CFAP43: variants seen among roughly 807,000 people sequenced by gnomAD.
CFAP43 encodes cilia- and flagella-associated protein 43.
In CFAP43, 155 loss-of-function variants were observed where a neutral mutation model predicts 218.9. That is an observed-to-expected ratio of 0.71 (90% CI 0.62 to 0.81). The LOEUF (loss-of-function observed/expected upper bound fraction) is 0.81, where lower values mean the gene tolerates loss of function less well. CFAP43 is among the 30% of genes least tolerant of loss of function. The pLI is 0.00. For missense variants in CFAP43, 1,778 were observed against 1,954.3 expected, an observed-to-expected ratio of 0.91 and a Z score of 1.70; for synonymous variants, 645 against 681.3, an observed-to-expected ratio of 0.95 and a Z score of 0.83.
chr10:104,175,081 AAAC>A (rs1283303344), intron 19 of CFAP43, among the ~76,000 whole-genome samples: 1 of 150,318 alleles, frequency 6.7e-6, no homozygotes, highest in Non-Finnish European at 1.5e-5. Flanking sequence ...ACAAACAAAC[AAAC>A]AAACAAAAAA....
intron 10 of CFAP43, among the ~76,000 whole-genome samples, chr10:104,195,552 G>T (rs568532974): frequency 3.6e-4 from 55 of 151,922 alleles, no homozygotes; most frequent in Non-Finnish European, 6.2e-4. Context: ...TGTATCTTTG[G>T]CATCTTATGT....
At chr10:104,143,343 C>T (rs112383207) in intron 32 of CFAP43, 83 bp downstream of exon 32, 2 of 1,210,836 alleles carry the variant, frequency 1.7e-6, no homozygotes, top group Non-Finnish European at 2.3e-6. Context: ...AAATAATTAG[C>T]TTTTTTGGTT....
At chr10:104,143,359 G>A in intron 32 of CFAP43, 67 bp downstream of exon 32, 1 of 1,396,186 alleles carries the variant, frequency 7.2e-7, no homozygotes. Flanking sequence ...TGGTTACACT[G>A]ACCAATGTAA....
In CFAP43 at chr10:104,230,093, C is replaced by T. The variant is rs572095564; in HGVS notation, c.319+497G>A. On this transcript the variant is annotated intron_variant, in intron 2 of 37. Coordinates refer to ENST00000357060, the MANE Select transcript of CFAP43 (RefSeq NM_025145.7). The stretch of plus-strand genomic sequence containing the variant: ...CAATGTTGCTGGTAAACAGACCACA[C>T]TTTGAACAGCAAGGCTCTAGCTAAC... Among the ~76,000 whole-genome samples the T allele has an allele frequency of 3.3e-5, 5 of 152,180 alleles. No homozygotes were observed. In the South Asian group the frequency reaches 1.0e-3, roughly 32 times the overall value.
chr10:104,211,976 A>G (rs767225063), intron 5 of CFAP43, 31 bp downstream of exon 5: 2 of 1,604,362 alleles, frequency 1.2e-6, no homozygotes, highest in South Asian at 2.2e-5. Context: ...TCAACCCATT[A>G]GGCAAACAGG....
At chr10:104,148,436 G>A (rs2134766530) in intron 28 of CFAP43, among the ~76,000 whole-genome samples, 1 of 152,240 alleles carries the variant, frequency 6.6e-6, no homozygotes, top group South Asian at 2.1e-4. Flanking sequence ...GCTGTAGTTT[G>A]GATATTTGCC....
intron 12 of CFAP43, among the ~76,000 whole-genome samples, chr10:104,189,596 C>T (rs2062869180): frequency 6.6e-6 from 1 of 152,148 alleles, no homozygotes; most frequent in Non-Finnish European, 1.5e-5. Flanking sequence ...TACTCTGGCC[C>T]AGCCTCAGTT....
chr10:104,205,732 G>A (rs2090667932), intron 7 of CFAP43, among the ~76,000 whole-genome samples: 1 of 152,072 alleles, frequency 6.6e-6, no homozygotes, highest in Non-Finnish European at 1.5e-5. Context: ...AATTCTATTT[G>A]TGTTTGTTTG....
chr10:104,139,486 C>T (rs1589619344), intron 34 of CFAP43, among the ~76,000 whole-genome samples: 1 of 152,014 alleles, frequency 6.6e-6, no homozygotes, highest in South Asian at 2.1e-4. Flanking sequence ...AAGCCAGACA[C>T]ATTAAATTCA....
intron 36 of CFAP43, 86 bp downstream of exon 36, chr10:104,132,030 G>A (rs2087219011): frequency 9.5e-7 from 1 of 1,048,922 alleles, no homozygotes; most frequent in South Asian, 1.9e-5. Context: ...TTAGGGTCTA[G>A]GTAAATTCAT....
chr10:104,141,152 C>T lies in CFAP43; in HGVS notation c.4272-151G>A, dbSNP rs1202061296. 4 of 774,176 alleles carry T rather than the reference C, an allele frequency of 5.2e-6. No homozygotes were observed. The African/African-American group carries it at 5.3e-5, about 10-fold the overall frequency. The allele number at this position is 774,176 out of a possible 1,614,324, so 48.0% of individuals were successfully genotyped here. ...CCTGATGATGAGCTTTCCTAGAGGT[C>T]TCTCTGAAACCTCTTCCTATTGATG... On this transcript the variant is annotated intron_variant, in intron 33 of 37. Coordinates refer to ENST00000357060, the MANE Select transcript of CFAP43 (RefSeq NM_025145.7).
intron 28 of CFAP43, among the ~76,000 whole-genome samples, chr10:104,150,030 T>A (rs1181075989): frequency 6.6e-6 from 1 of 152,216 alleles, no homozygotes; most frequent in Non-Finnish European, 1.5e-5. Flanking sequence ...TCCACAAAAA[T>A]GGAATCATAC....
In CFAP43 at chr10:104,145,490, A is replaced by T. The variant is rs550124982; in HGVS notation, c.3930T>A (p.Phe1310Leu). The change falls in exon 31 of 38, where the codon TTT (phenylalanine) becomes TTA (leucine). Residue 1310 changes from phenylalanine to leucine, a missense_variant. Phe to Leu is a conservative substitution (Grantham distance 22). Around this residue, in one of 3 missense-constraint regions of CFAP43, gnomAD observed 1,553 missense variants for 1,685.2 expected, o/e 0.92. Coordinates refer to ENST00000357060, the MANE Select transcript of CFAP43 (RefSeq NM_025145.7). ...GAGAAACAAACCTTGGTCGGCGTTTAAAAAGTTTGTAGAGTATATCCACTT... is the reference window on the plus strand; with the variant it reads ...GAGAAACAAACCTTGGTCGGCGTTTTAAAAGTTTGTAGAGTATATCCACTT... The part of the protein sequence containing the change: ...GHQVDILYKL[F>L]KRRPRISKQK... 3 of 1,596,316 alleles carry T rather than the reference A, an allele frequency of 1.9e-6. No homozygotes were observed. Among genetic ancestry groups the T allele is most frequent in the Non-Finnish European group, 2.6e-6 (3 of 1,167,170 alleles).
At chr10:104,227,072 G>A (rs991878323) in intron 2 of CFAP43, among the ~76,000 whole-genome samples, 2 of 151,998 alleles carry the variant, frequency 1.3e-5, no homozygotes, top group African/African-American at 4.8e-5. Flanking sequence ...GGATCATAGT[G>A]TTGCCTCCTA....
intron 15 of CFAP43, 75 bp from the exon 16 acceptor site, chr10:104,185,221 G>A: frequency 1.3e-6 from 2 of 1,561,714 alleles, no homozygotes; most frequent in Non-Finnish European, 1.7e-6. Context: ...GGGGTTATAT[G>A]CCCCTTTTTT....
chr10:104,160,482 C>T (rs956645599), intron 27 of CFAP43, among the ~76,000 whole-genome samples: 10 of 152,164 alleles, frequency 6.6e-5, no homozygotes, highest in Admixed American at 1.3e-4. Flanking sequence ...TGCACATCAC[C>T]GTCTTTTATA....
intron 23 of CFAP43, among the ~76,000 whole-genome samples, chr10:104,165,938 G>A (rs1426016837): frequency 6.6e-6 from 1 of 152,200 alleles, no homozygotes; most frequent in Admixed American, 6.5e-5. Flanking sequence ...GGTGTCAGCT[G>A]TTGTGGAATG....
intron 16 of CFAP43, among the ~76,000 whole-genome samples, chr10:104,184,534 C>T (rs2134885509): frequency 6.6e-6 from 1 of 150,588 alleles, no homozygotes; most frequent in East Asian, 2.0e-4. Context: ...TAGCCAGTCT[C>T]TGAAGATAGT....
At chr10:104,150,659 A>G (rs1313729061) in intron 28 of CFAP43, among the ~76,000 whole-genome samples, 1 of 152,174 alleles carries the variant, frequency 6.6e-6, no homozygotes, top group East Asian at 1.9e-4. Flanking sequence ...TTGGTCAGAC[A>G]TCTTTCAAAA....
Sources: gnomAD v4.1 joint callset for allele counts (sites outside exome capture counted in the v4.1 genomes callset) on GRCh38, gnomAD v4.1.1 for gene constraint, gnomAD v4.1.1 regional missense constraint, MANE v1.5 for transcripts, NCBI Gene and HGNC (gene_info 2026-07-23, HGNC 2026-07-21) for gene names.